Variants in ZNF415 observed in about 807,000 individuals in gnomAD.
ZNF415 encodes the protein zinc finger protein 415.
In ZNF415, 5 loss-of-function variants were observed where a neutral mutation model predicts 7.3. That is an observed-to-expected ratio of 0.69 (90% CI 0.36 to 1.44). The LOEUF is 1.44. Ranked by LOEUF, ZNF415 falls within the 40% of genes most tolerant of loss-of-function variation. The pLI is 0.04. For synonymous variants in ZNF415, 207 were observed against 226.3 expected (o/e 0.91, Z 0.77); for missense variants, 628 against 664.8 (o/e 0.94, Z 0.61).
Position 53,122,819 on chromosome 19 carries a change from A to C in ZNF415, c.-67-76T>G, listed in dbSNP as rs2088349335. 8 of 1,173,618 alleles carry C rather than the reference A, an allele frequency of 6.8e-6. 1 individual carries two copies. The highest frequency in any genetic ancestry group is 6.8e-5 in the South Asian group (5 of 73,950). The allele number at this position is 1,173,618 out of a possible 1,614,324, so 72.7% of individuals were successfully genotyped here. ...TCTTGTGTGACAAGCACACACATACACAGGGAGGAGCTCGCCCTGTGCAAA... is the reference window on the plus strand; with the variant it reads ...TCTTGTGTGACAAGCACACACATACCCAGGGAGGAGCTCGCCCTGTGCAAA... On this transcript the variant is annotated intron_variant, in intron 1 of 3. Transcript: ENST00000243643.
At chr19:53,121,324 G>A (rs1051496154) in intron 2 of ZNF415, among the ~76,000 whole-genome samples, 4 of 150,014 alleles carry the variant, frequency 2.7e-5, no homozygotes, top group African/African-American at 9.8e-5. Context: ...GGTGGAGGTT[G>A]CAGTGAGCCA....
chr19:53,110,775 G>A (rs1398069723), intron 3 of ZNF415, among the ~76,000 whole-genome samples: 1 of 152,166 alleles, frequency 6.6e-6, no homozygotes, highest in East Asian at 1.9e-4. Flanking sequence ...TGATGCATGA[G>A]GTCAGGTAAA....
chr19:53,119,990 C>G (rs1251399334), intron 2 of ZNF415, among the ~76,000 whole-genome samples: 3 of 80,810 alleles, frequency 3.7e-5, no homozygotes, highest in Non-Finnish European at 8.9e-5. Context: ...ACTGATTCTC[C>G]TCAAACTAAA....
chr19:53,120,589 C>T (rs1038029843), intron 2 of ZNF415, among the ~76,000 whole-genome samples: 1 of 152,012 alleles, frequency 6.6e-6, no homozygotes, highest in Admixed American at 6.6e-5. Context: ...CAAATATATA[C>T]ATCATGTGAT....
In ZNF415 at chr19:53,108,892, T is replaced by A; in HGVS notation, c.1153A>T (p.Lys385Ter). The part of the protein sequence containing the change: ...QRIHTGEKPY[K>*]CNECGKVFSQ... The stretch of plus-strand genomic sequence containing the variant: ...AAGACTTTACCACATTCATTACACT[T>A]GTATGGTTTCTCCCCAGTGTGAATT... The change falls in exon 4 of 4, where the codon AAG becomes TAG. Residue 385 changes from lysine to a stop codon, truncating the protein, a stop_gained. Coordinates refer to ENST00000243643, the MANE Select transcript of ZNF415 (RefSeq NM_018355.4). LOFTEE classifies it low-confidence loss of function (END_TRUNC). 1 of 1,614,120 alleles carries A rather than the reference T, an allele frequency of 6.2e-7. No individual in the cohort carries two copies. Among genetic ancestry groups the A allele is most frequent in the Non-Finnish European group, 8.5e-7 (1 of 1,179,994 alleles).
At chr19:53,111,638 C>T (rs2086261341) in intron 3 of ZNF415, among the ~76,000 whole-genome samples, 1 of 151,860 alleles carries the variant, frequency 6.6e-6, no homozygotes. Flanking sequence ...CCACTGCGCC[C>T]GGCCCGCCTA....
intron 3 of ZNF415, among the ~76,000 whole-genome samples, chr19:53,110,454 T>C (rs916471901): frequency 6.6e-6 from 1 of 152,036 alleles, no homozygotes; most frequent in African/African-American, 2.4e-5. Context: ...CTGTTAAAAA[T>C]AGCTAATTTT....
At chr19:53,110,007 A>G (rs1354299950) in intron 3 of ZNF415, 99 bp from the exon 4 acceptor site, 2 of 943,960 alleles carry the variant, frequency 2.1e-6, no homozygotes, top group East Asian at 2.8e-5. Flanking sequence ...ACATTTATAT[A>G]CAACAGAGTT....
chr19:53,130,095 G>T (rs910698024), intron 1 of ZNF415, among the ~76,000 whole-genome samples: 4 of 149,524 alleles, frequency 2.7e-5, no homozygotes, highest in Admixed American at 6.7e-5. Flanking sequence ...AAGAAAAAAA[G>T]AAAATTCCCA....
intron 3 of ZNF415, among the ~76,000 whole-genome samples, chr19:53,114,159 G>T (rs1289507519): frequency 6.6e-6 from 1 of 152,118 alleles, no homozygotes; most frequent in Non-Finnish European, 1.5e-5. Flanking sequence ...CAGACTCCAG[G>T]AGTGTGTATA....
intron 3 of ZNF415, chr19:53,115,825 G>T: frequency 6.5e-7 from 1 of 1,536,540 alleles, no homozygotes; most frequent in Admixed American, 2.0e-5. Flanking sequence ...GTCAGGAAGA[G>T]AATTTCCCGC....
rs373820779 is a variant in ZNF415, at chr19:53,109,018, G to A, written c.1027C>T (p.Leu343Phe). Residue 343 changes from leucine to phenylalanine, a missense_variant, in exon 4 of 4, where the codon CTT becomes TTT. By Grantham distance (22) the Leu-to-Phe change is conservative. Coordinates refer to ENST00000243643, the MANE Select transcript of ZNF415 (RefSeq NM_018355.4). Reference sequence around the variant, plus strand: ...CTATGAATTACCTGATGGTTGGTAAGTGTTGACCTCACACTAAAGGCTTTG... The same window carrying A: ...CTATGAATTACCTGATGGTTGGTAAATGTTGACCTCACACTAAAGGCTTTG... The part of the protein sequence containing the change: ...CGKAFSVRST[L>F]TNHQVIHSGK... 1.3e-5 allele frequency: 21 copies of A among 1,613,918 alleles called. No individual in the cohort carries two copies. Among genetic ancestry groups the A allele is most frequent in the African/African-American group, 1.2e-4 (9 of 74,900 alleles).
In ZNF415 at chr19:53,108,497, T is replaced by C; in HGVS notation, c.1548A>G (p.Ile516Met). The C allele has an allele frequency of 1.9e-6, 3 of 1,613,896 alleles. No individual in the cohort carries two copies. Among genetic ancestry groups the C allele is most frequent in the Non-Finnish European group, 2.5e-6 (3 of 1,179,932 alleles). Residue 516 changes from isoleucine to methionine, a missense_variant, in exon 4 of 4, where the codon ATA becomes ATG. Coordinates refer to ENST00000243643, the MANE Select transcript of ZNF415 (RefSeq NM_018355.4). The part of the protein sequence containing the change: ...SVRPNLTRHQ[I>M]IHTGKKPYKC... Reference sequence around the variant, plus strand: ...TGTAAGGTTTCTTTCCAGTATGGATTATCTGATGTCTAGTGAGGTTTGGGC... The same window carrying C: ...TGTAAGGTTTCTTTCCAGTATGGATCATCTGATGTCTAGTGAGGTTTGGGC...
chr19:53,128,986 G>A (rs769670889), intron 1 of ZNF415, among the ~76,000 whole-genome samples: 1 of 150,918 alleles, frequency 6.6e-6, no homozygotes, highest in Non-Finnish European at 1.5e-5. Context: ...TGATGGATGC[G>A]GAGACAGTGA....
intron 1 of ZNF415, among the ~76,000 whole-genome samples, chr19:53,125,722 G>A (rs1376194982): frequency 6.6e-6 from 1 of 151,936 alleles, no homozygotes; most frequent in Non-Finnish European, 1.5e-5. Context: ...AGCAGATCAC[G>A]AGGTCGGGAG....
intron 1 of ZNF415, among the ~76,000 whole-genome samples, chr19:53,130,716 G>A (rs2089956924): frequency 6.6e-6 from 1 of 151,676 alleles, no homozygotes; most frequent in Non-Finnish European, 1.5e-5. Context: ...CTCGGCTCTT[G>A]GCTCACTGCA....
At chr19:53,124,849 T>C (rs953872807) in intron 1 of ZNF415, among the ~76,000 whole-genome samples, 2 of 151,846 alleles carry the variant, frequency 1.3e-5, no homozygotes, top group Admixed American at 6.6e-5. Context: ...AATAGAAAAA[T>C]AGGAGAATGG....
Position 53,127,832 on chromosome 19 carries a change from G to A in ZNF415, c.-68+5024C>T, listed in dbSNP as rs1387821480. On this transcript the variant is annotated intron_variant, in intron 1 of 3. Transcript: ENST00000243643. Reference sequence around the variant, plus strand: ...GTGGAGGTTGCAGTGGGCCAGGATCGCACCACTGCACTCCAGCCTGCCAAC... The same window carrying A: ...GTGGAGGTTGCAGTGGGCCAGGATCACACCACTGCACTCCAGCCTGCCAAC... Among the ~76,000 whole-genome samples, 6 of 145,582 alleles carry A rather than the reference G, an allele frequency of 4.1e-5. No individual in the cohort carries two copies. In the South Asian group the frequency reaches 1.1e-3, roughly 26 times the overall value.
chr19:53,123,551 G>A (rs377760700), intron 1 of ZNF415: 3 of 398,650 alleles, frequency 7.5e-6, no homozygotes, highest in East Asian at 7.1e-5. Flanking sequence ...CCACGTGAAG[G>A]CCTTGAGGCA....
Sources: allele counts gnomAD v4.1 joint callset (sites outside exome capture counted in the v4.1 genomes callset), GRCh38; gene constraint gnomAD v4.1.1; transcripts MANE v1.5; gene names NCBI Gene and HGNC (gene_info 2026-07-23, HGNC 2026-07-21).